The following SLC9C1 variants were observed in gnomAD, a reference collection of about 807,000 sequenced individuals.
SLC9C1 encodes solute carrier family 9 member C1.
In SLC9C1, 97 loss-of-function variants were observed where a neutral mutation model predicts 140.9. The observed-to-expected ratio is 0.69, with a 90% confidence interval of 0.58 to 0.82. SLC9C1 has a LOEUF of 0.82. SLC9C1 is among the 40% of genes least tolerant of loss of function. The probability of loss-of-function intolerance (pLI) is 0.00; values close to 1 mark genes in which losing one functional copy is unlikely to be tolerated. For synonymous variants in SLC9C1, 440 were observed against 442.6 expected (o/e 0.99, Z 0.07); for missense variants, 1,340 against 1,389.3 (o/e 0.96, Z 0.56).
intron 26 of SLC9C1, among the ~76,000 whole-genome samples, chr3:112,160,266 GT>G (rs1035529974): frequency 2.8e-4 from 41 of 147,436 alleles, no homozygotes; most frequent in South Asian, 1.1e-3. Context: ...ATTTTTTTAA[GT>G]TTTTTTTCTT....
intron 2 of SLC9C1, among the ~76,000 whole-genome samples, chr3:112,285,911 G>A (rs2080494827): frequency 6.6e-6 from 1 of 152,072 alleles, no homozygotes; most frequent in Non-Finnish European, 1.5e-5. Flanking sequence ...GACTACTGGT[G>A]CGTGCTAACA....
chr3:112,208,096 G>T, intron 16 of SLC9C1, 82 bp downstream of exon 16: 1 of 1,111,888 alleles, frequency 9.0e-7, no homozygotes, highest in Non-Finnish European at 1.2e-6. Flanking sequence ...AAAATTGTCT[G>T]TTGCTGGTGT....
intron 28 of SLC9C1, among the ~76,000 whole-genome samples, chr3:112,150,226 G>A (rs1010514628): frequency 6.6e-6 from 1 of 152,132 alleles, no homozygotes; most frequent in South Asian, 2.1e-4. Flanking sequence ...AAAAATGACT[G>A]ACTTTTTATG....
chr3:112,170,995 C>A (rs778001371), intron 23 of SLC9C1, among the ~76,000 whole-genome samples: 22 of 152,134 alleles, frequency 1.4e-4, no homozygotes, highest in Non-Finnish European at 2.8e-4. Flanking sequence ...GGGCTGAGCC[C>A]CTGAGGTCAG....
chr3:112,171,230 A>G (rs958319055), intron 23 of SLC9C1, among the ~76,000 whole-genome samples: 1 of 152,094 alleles, frequency 6.6e-6, no homozygotes, highest in East Asian at 1.9e-4. Flanking sequence ...AAAAAAGAAA[A>G]GAAAAGAAAA....
At chr3:112,279,706 G>T (rs935635013) in intron 3 of SLC9C1, among the ~76,000 whole-genome samples, 2 of 152,144 alleles carry the variant, frequency 1.3e-5, no homozygotes, top group Non-Finnish European at 2.9e-5. Flanking sequence ...TTCTCCTGTG[G>T]CCAGATATAT....
At chr3:112,265,063 A>G (rs1241896834) in intron 8 of SLC9C1, among the ~76,000 whole-genome samples, 1 of 152,042 alleles carries the variant, frequency 6.6e-6, no homozygotes, top group Non-Finnish European at 1.5e-5. Context: ...GATAATCACA[A>G]TCAAGAGGCA....
chr3:112,283,314 C>G (rs2108354328), intron 2 of SLC9C1, among the ~76,000 whole-genome samples: 1 of 152,112 alleles, frequency 6.6e-6, no homozygotes, highest in East Asian at 1.9e-4. Flanking sequence ...GAAATCCTGT[C>G]TCTACAAAAA....
chr3:112,146,508 G>T (rs2074800323), intron 28 of SLC9C1, among the ~76,000 whole-genome samples: 1 of 152,062 alleles, frequency 6.6e-6, no homozygotes, highest in Non-Finnish European at 1.5e-5. Context: ...TTGGTATGTT[G>T]TGTCTCTTTC....
chr3:112,171,358 C>A (rs1054730819), intron 23 of SLC9C1, among the ~76,000 whole-genome samples: 1 of 152,188 alleles, frequency 6.6e-6, no homozygotes, highest in East Asian at 1.9e-4. Context: ...ATGTTTCTGG[C>A]AGCTAATGAT....
At chr3:112,288,657 G>C (rs965082593) in intron 1 of SLC9C1, among the ~76,000 whole-genome samples, 2 of 152,176 alleles carry the variant, frequency 1.3e-5, no homozygotes, top group Non-Finnish European at 2.9e-5. Context: ...AGGAGGCTGA[G>C]GGGGTGGTGG....
chr3:112,270,113 A>T (rs565450575), intron 6 of SLC9C1, 36 bp from the exon 7 acceptor site: 1 of 1,437,060 alleles, frequency 7.0e-7, no homozygotes, highest in African/African-American at 1.5e-5. Flanking sequence ...AATAGTTAAT[A>T]GAACTTGCCG....
rs1396979479 is a variant in SLC9C1, at chr3:112,208,357, T to C, written c.1807A>G (p.Ile603Val). The C allele has an allele frequency of 1.9e-6, 3 of 1,552,732 alleles. No individual in the cohort carries two copies. Among genetic ancestry groups the C allele is most frequent in the Non-Finnish European group, 2.6e-6 (3 of 1,151,722 alleles). ...EGPSKYFFFRICHTIVFTEEF... is the reference protein window; with the variant it reads ...EGPSKYFFFRVCHTIVFTEEF... ...TCAGTAAATACTATTGTATGGCATA[T>C]ACGAAAAAAGAAGTATCTGTAAAAC... The change falls in exon 16 of 29, where the codon ATA becomes GTA. Residue 603 changes from isoleucine to valine, a missense_variant. By Grantham distance (29) the Ile-to-Val change is conservative. Coordinates refer to ENST00000305815, the MANE Select transcript of SLC9C1 (RefSeq NM_183061.3).
chr3:112,264,161 A>C (rs1302667305), intron 9 of SLC9C1, 39 bp downstream of exon 9: 2 of 901,896 alleles, frequency 2.2e-6, no homozygotes, highest in Non-Finnish European at 2.9e-6. Flanking sequence ...AAACTTACTC[A>C]ATTATCTATA....
At chr3:112,177,001 CTCTCT>C (rs1371842046) in intron 23 of SLC9C1, among the ~76,000 whole-genome samples, 8 of 127,316 alleles carry the variant, frequency 6.3e-5, no homozygotes, top group African/African-American at 8.9e-5. Flanking sequence ...CTCTCTCTCT[CTCTCT>C]TTTTTTTTTT....
intron 15 of SLC9C1, among the ~76,000 whole-genome samples, chr3:112,216,278 T>G (rs2078365982): frequency 6.6e-6 from 1 of 152,096 alleles, no homozygotes; most frequent in Non-Finnish European, 1.5e-5. Flanking sequence ...GGCAATACCA[T>G]TCAGAACATA....
intron 26 of SLC9C1, among the ~76,000 whole-genome samples, chr3:112,165,273 G>C (rs901675294): frequency 6.6e-6 from 1 of 152,098 alleles, no homozygotes; most frequent in South Asian, 2.1e-4. Flanking sequence ...CTCTCAACTC[G>C]TCAAAGTCAT....
intron 25 of SLC9C1, 60 bp downstream of exon 25, chr3:112,168,817 T>A: frequency 7.1e-7 from 1 of 1,416,936 alleles, no homozygotes; most frequent in South Asian, 1.4e-5. Flanking sequence ...TTTTCTGACG[T>A]TAATACATTG....
At chr3:112,293,145 G>C (rs867784952) in intron 1 of SLC9C1, among the ~76,000 whole-genome samples, 9 of 151,558 alleles carry the variant, frequency 5.9e-5, no homozygotes, top group African/African-American at 2.2e-4. Context: ...GCCAGGTGTG[G>C]TGGCACATGC....
Sources: gnomAD v4.1 joint callset for allele counts (sites outside exome capture counted in the v4.1 genomes callset) on GRCh38, gnomAD v4.1.1 for gene constraint, MANE v1.5 for transcripts, NCBI Gene and HGNC (gene_info 2026-07-23, HGNC 2026-07-21) for gene names.